Variants in BRD3 observed in about 807,000 individuals in gnomAD.
BRD3 encodes the protein bromodomain containing 3.
In BRD3, 17 loss-of-function variants were observed where a neutral mutation model predicts 66.8. That is an observed-to-expected ratio of 0.25 (90% CI 0.17 to 0.38). The LOEUF is 0.38. BRD3 is among the 10% of genes least tolerant of loss of function. The pLI is 1.00. For missense variants in BRD3, 713 were observed against 956.1 expected, an observed-to-expected ratio of 0.75 and a Z score of 3.35; for synonymous variants, 421 against 393.2, an observed-to-expected ratio of 1.07 and a Z score of -0.84.
chr9:134,032,216 T>C lies in BRD3; in HGVS notation c.*1374A>G. 1 of 214,874 alleles carries C rather than the reference T, an allele frequency of 4.7e-6. No homozygotes were observed. The highest frequency in any genetic ancestry group is 9.4e-6 in the Non-Finnish European group (1 of 106,660). The allele number at this position is 214,874 out of a possible 1,614,324, so 13.3% of individuals were successfully genotyped here. On this transcript the variant is annotated 3_prime_UTR_variant, in exon 12 of 12. Coordinates refer to ENST00000303407, the MANE Select transcript of BRD3 (RefSeq NM_007371.4). ...CCTTCTATTAAACTCTGTATATTAT[T>C]ATTTTTTACAATAGAAAGTTAAAAA...
chr9:134,040,564 A>T (rs1024421935), intron 8 of BRD3, among the ~76,000 whole-genome samples: 31 of 152,240 alleles, frequency 2.0e-4, no homozygotes, highest in Non-Finnish European at 2.6e-4. Flanking sequence ...CTAACTTTTT[A>T]AAAAAAATGT....
rs753188460 is a variant in BRD3 at position 134,033,992 on chromosome 9, A to G, written c.2066-287T>C. 1.6e-4 allele frequency among the ~76,000 whole-genome samples: 25 copies of G among 152,214 alleles called. No individual in the cohort carries two copies. The highest frequency in any genetic ancestry group is 3.4e-4 in the Non-Finnish European group (23 of 68,032). On this transcript the variant is annotated intron_variant, in intron 11 of 11. Coordinates refer to ENST00000303407, the MANE Select transcript of BRD3 (RefSeq NM_007371.4). This position sits in a 1 kb window ranked among gnomAD's most constrained non-coding sequence, Gnocchi z 5.1. ...CAGTCACATGGCCACCAGCAGCGAC[A>G]GGAACACCAGCTGCTGGCGTTTCTG...
chr9:134,053,266 G>A lies in BRD3; in HGVS notation c.212C>T (p.Pro71Leu), dbSNP rs375446595. 4 of 1,613,276 alleles carry A rather than the reference G, an allele frequency of 2.5e-6. No individual in the cohort carries two copies. The highest frequency in any genetic ancestry group is 3.4e-6 in the Non-Finnish European group (4 of 1,180,016). Reference protein sequence around the residue: ...QPVDAIKLNLPDYHKIIKNPM... With the variant: ...QPVDAIKLNLLDYHKIIKNPM... ...CTTGGGGAGGCAGCAGCTACGCACC[G>A]GCAGGTTCAATTTGATTGCGTCCAC... Residue 71 changes from proline (P) to leucine (L), a missense_variant and splice_region_variant, in exon 2 of 12, where the codon CCG becomes CTG. Transcript: ENST00000303407.
At chr9:134,051,428 C>T (rs1434621572) in intron 4 of BRD3, 134 bp downstream of exon 4, 1 of 963,476 alleles carries the variant, frequency 1.0e-6, no homozygotes, top group Non-Finnish European at 1.4e-6. Context: ...CACACTCATC[C>T]AAGACCCGGC....
Position 134,040,069 on chromosome 9 carries a change from A to C in BRD3, c.1608T>G (p.Pro536=). The C allele has an allele frequency of 2.5e-6, 4 of 1,593,718 alleles. No individual in the cohort carries two copies. The highest frequency in any genetic ancestry group is 3.4e-6 in the Non-Finnish European group (4 of 1,171,536). The change falls in exon 9 of 12, where the codon CCT becomes CCG. Residue 536 remains proline (P), a synonymous_variant. Transcript: ENST00000303407. ...TGGTCGTGCTGTTGGCCTTCTTGGC[A>C]GGAGCCTTCTTCTGCTGAGCCTGCT... ...PAKQAQQKKA[P]AKKANSTTTA...
intron 6 of BRD3, 74 bp downstream of exon 6, chr9:134,048,009 C>T (rs753085993): frequency 2.2e-4 from 318 of 1,453,302 alleles, no homozygotes; most frequent in Non-Finnish European, 2.7e-4. Context: ...CCCACTCAGC[C>T]GGCACAAGAC....
chr9:134,034,674 G>T, intron 11 of BRD3, 27 bp downstream of exon 11: 1 of 1,600,696 alleles, frequency 6.2e-7, no homozygotes, highest in East Asian at 2.2e-5. Context: ...CCCTAAAGAG[G>T]GGTGGCACAG....
At chr9:134,034,880 G>A in intron 10 of BRD3, 51 bp from the exon 11 acceptor site, 1 of 1,605,088 alleles carries the variant, frequency 6.2e-7, no homozygotes, top group Non-Finnish European at 8.5e-7. Context: ...CGATGGGGCA[G>A]GAGCCAGGGC....
intron 4 of BRD3, among the ~76,000 whole-genome samples, chr9:134,051,080 G>T (rs1006747892): frequency 6.6e-6 from 1 of 152,186 alleles, no homozygotes. Flanking sequence ...GGATCCTGGG[G>T]CTCACGACAC....
chr9:134,066,496 C>A (rs1830657146), intron 1 of BRD3, among the ~76,000 whole-genome samples: 1 of 152,116 alleles, frequency 6.6e-6, no homozygotes, highest in African/African-American at 2.4e-5. Flanking sequence ...ACTACTTTCC[C>A]CAGAAAAATG....
chr9:134,040,097 G>A lies in BRD3; in HGVS notation c.1580C>T (p.Ala527Val), dbSNP rs777846604. The A allele has an allele frequency of 1.9e-6, 3 of 1,584,634 alleles. No homozygotes were observed. Among genetic ancestry groups the A allele is most frequent in the Non-Finnish European group, 2.6e-6 (3 of 1,166,530 alleles). Residue 527 changes from alanine to valine, a missense_variant, in exon 9 of 12, where the codon GCC becomes GTC. Ala to Val is a moderately conservative substitution (Grantham distance 64). Around this residue, in one of 5 missense-constraint regions of BRD3, gnomAD observed 418 missense variants for 609.3 expected, o/e 0.69. Coordinates refer to ENST00000303407, the MANE Select transcript of BRD3 (RefSeq NM_007371.4). ...EEKKAKVAPP[A>V]KQAQQKKAPA... The stretch of plus-strand genomic sequence containing the variant: ...AGCCTTCTTCTGCTGAGCCTGCTTG[G>A]CAGGCGGAGCCACCTTGGCCTTCTT...
rs1588268070 is a variant in BRD3 at position 134,032,742 on chromosome 9, T to G, written c.*848A>C. On this transcript the variant is annotated 3_prime_UTR_variant, in exon 12 of 12. Coordinates refer to ENST00000303407, the MANE Select transcript of BRD3 (RefSeq NM_007371.4). The stretch of plus-strand genomic sequence containing the variant: ...AAGCTCGGGAAGTGGTTCCCAAGGG[T>G]GGCGCGGCAGCAGCAGCAGGGGCAG... 4.2e-6 allele frequency: 1 copy of G among 239,518 alleles called. No homozygotes were observed. The highest frequency in any genetic ancestry group is 8.1e-6 in the Non-Finnish European group (1 of 123,362). 14.8% of individuals were successfully genotyped at this position (239,518 alleles called of 1,614,324 possible).
intron 1 of BRD3, among the ~76,000 whole-genome samples, chr9:134,066,660 T>A (rs561576605): frequency 6.6e-6 from 1 of 152,268 alleles, no homozygotes; most frequent in Admixed American, 6.5e-5. Context: ...CTGTTCCTTC[T>A]CACAGGGTAG....
At chr9:134,050,231 G>T in intron 5 of BRD3, 143 bp downstream of exon 5, 1 of 733,382 alleles carries the variant, frequency 1.4e-6, no homozygotes, top group Non-Finnish European at 2.2e-6. Context: ...ACAACGGCCT[G>T]AGCTCCCAGG....
At chr9:134,051,988 T>G (rs150705363) in intron 3 of BRD3, among the ~76,000 whole-genome samples, 435 of 151,590 alleles carry the variant, frequency 2.9e-3, no homozygotes, top group Middle Eastern at 6.8e-3. Context: ...CCTCCCGGGT[T>G]TAAGTGATTC....
chr9:134,064,257 G>A (rs1398796799), intron 1 of BRD3, among the ~76,000 whole-genome samples: 1 of 152,204 alleles, frequency 6.6e-6, no homozygotes, highest in Non-Finnish European at 1.5e-5. Flanking sequence ...GTCAGGCATG[G>A]TGGCTCACAC....
At chr9:134,065,830 G>A (rs967349909) in intron 1 of BRD3, among the ~76,000 whole-genome samples, 2 of 152,192 alleles carry the variant, frequency 1.3e-5, no homozygotes, top group African/African-American at 4.8e-5. Flanking sequence ...TGGTGCACAG[G>A]GCTCCCGCGG....
intron 1 of BRD3, chr9:134,057,257 T>A (rs1335432982): frequency 1.3e-5 from 2 of 152,204 alleles, no homozygotes; most frequent in African/African-American, 4.8e-5. Flanking sequence ...CAAATCAACG[T>A]GGAGGTTCCA....
chr9:134,045,260 G>C lies in BRD3; in HGVS notation c.1215+33C>G, dbSNP rs1458888970. ...GCCAGGATGCCCACAGCACTGAGCTGAGCAGCCCCACCCGTGCCCAGCCTC... is the reference window on the plus strand; with the variant it reads ...GCCAGGATGCCCACAGCACTGAGCTCAGCAGCCCCACCCGTGCCCAGCCTC... On this transcript the variant is annotated intron_variant, in intron 7 of 11. Coordinates refer to ENST00000303407, the MANE Select transcript of BRD3 (RefSeq NM_007371.4). The surrounding 1 kb of genome is among the most constrained non-coding windows in gnomAD (Gnocchi z 4.8). 6.2e-7 allele frequency: 1 copy of C among 1,612,004 alleles called. No individual in the cohort carries two copies.
Sources: allele counts gnomAD v4.1 joint callset (sites outside exome capture counted in the v4.1 genomes callset), GRCh38; gene constraint gnomAD v4.1.1; regional missense constraint gnomAD v4.1.1; non-coding constraint Gnocchi (gnomAD v3.1); transcripts MANE v1.5; gene names NCBI Gene and HGNC (gene_info 2026-07-23, HGNC 2026-07-21).